Variants in CORO1A observed in about 807,000 individuals in gnomAD.
The protein encoded by CORO1A is coronin 1A.
In CORO1A, 17 loss-of-function variants were observed where a neutral mutation model predicts 44.1. The observed-to-expected ratio is 0.39, with a 90% CI of 0.26 to 0.58. The LOEUF (loss-of-function observed/expected upper bound fraction) is 0.58. Ranked by LOEUF, CORO1A falls within the 20% of genes least tolerant of loss-of-function variation. CORO1A has a pLI of 0.62. For synonymous variants in CORO1A, 271 were observed against 244.2 expected (o/e 1.11, Z -1.02); for missense variants, 415 against 606.5 (o/e 0.68, Z 3.32).
At position 30,184,739 on chromosome 16, in the gene CORO1A, C is replaced by T. The variant is rs1184962691; in HGVS notation, c.-1-470C>T. The T allele has an allele frequency of 7.8e-6, 2 of 256,680 alleles. No individual in the cohort carries two copies. Among genetic ancestry groups the T allele is most frequent in the Non-Finnish European group, 1.6e-5 (2 of 128,658 alleles). 15.9% of individuals were successfully genotyped at this position (256,680 alleles called of 1,614,324 possible). A position where few individuals can be genotyped will look rare whatever the true frequency, so the allele number is the denominator to read the frequency against. On this transcript the variant is annotated intron_variant, in intron 1 of 10. Coordinates refer to ENST00000219150, the MANE Select transcript of CORO1A (RefSeq NM_007074.4). The surrounding 1 kb of genome is among the most constrained non-coding windows in gnomAD (Gnocchi z 4.3). ...CTGTGTCCAGCCCCATGCCAGCAGG[C>T]GAGGGAGGCCAGCTCCTGTCCCTGC... is the stretch of plus-strand genomic sequence containing the variant.
rs776691038 is a variant in CORO1A at position 30,188,449 on chromosome 16, C to T, written c.1154C>T (p.Ala385Val). The change falls in exon 10 of 11, where the codon GCT becomes GTT. Residue 385 changes from alanine to valine, a missense_variant. Physicochemically the swap from Ala to Val is moderately conservative, Grantham distance 64 (BLOSUM62 0). Transcript: ENST00000219150. ...GAGGAGTGGCTGGGGGGTCGGGATG[C>T]TGGGCCCCTCCTCATCTCCCTCAAG... ...TAEEWLGGRD[A>V]GPLLISLKDG... 1.7e-5 allele frequency: 27 copies of T among 1,613,272 alleles called. No homozygotes were observed. Among genetic ancestry groups the T allele is most frequent in the Non-Finnish European group, 1.3e-5 (15 of 1,179,986 alleles).
At position 30,187,849 on chromosome 16, in the gene CORO1A, TG is replaced by T. The variant is rs762867240; in HGVS notation, c.861+25del. On this transcript the variant is annotated intron_variant, in intron 7 of 10. Transcript: ENST00000219150. ...GGCAAGGTGGCCTCGTCGGGCGGGG[TG>T]GGGGTGGGAGGTGGGCAGGATGGGC... The T allele has an allele frequency of 8.3e-5, 6 of 72,504 alleles. No individual in the cohort carries two copies. Among genetic ancestry groups the T allele is most frequent in the South Asian group, 5.4e-4 (4 of 7,388 alleles). 4.5% of individuals were successfully genotyped at this position (72,504 alleles called of 1,614,324 possible).
intron 2 of CORO1A, chr16:30,185,934 C>G (rs555987447): frequency 9.1e-4 from 184 of 202,654 alleles, no homozygotes; most frequent in African/African-American, 4.1e-3. Flanking sequence ...CTCCTGTGCT[C>G]TTTGGGGGGT....
At chr16:30,187,548 G>A in intron 6 of CORO1A, 47 bp downstream of exon 6, 1 of 1,580,694 alleles carries the variant, frequency 6.3e-7, no homozygotes, top group Non-Finnish European at 8.5e-7. Context: ...TGGGAACCAA[G>A]ACTGGAGGTT....
Position 30,185,405 on chromosome 16 carries a change from A to G in CORO1A, c.196A>G (p.Lys66Glu). The G allele has an allele frequency of 6.2e-7, 1 of 1,613,134 alleles. No individual in the cohort carries two copies. The highest frequency in any genetic ancestry group is 8.5e-7 in the Non-Finnish European group (1 of 1,179,898). ...GGAFLVLPLG[K>E]TGRVDKNAPT... ...GGCCTTCCTGGTGCTGCCCCTGGGCAAGGTGAGCCCCTGGGGCCCTGGGGG... is the reference window on the plus strand; with the variant it reads ...GGCCTTCCTGGTGCTGCCCCTGGGCGAGGTGAGCCCCTGGGGCCCTGGGGG... The change falls in exon 2 of 11, where the codon AAG (lysine) becomes GAG (glutamate). Residue 66 changes from lysine to glutamate, a missense_variant and splice_region_variant. Lys to Glu is a moderately conservative substitution (Grantham distance 56). Around this residue, in one of 2 missense-constraint regions of CORO1A, gnomAD observed 325 missense variants for 521.7 expected, o/e 0.62. Transcript: ENST00000219150.
chr16:30,188,914 G>A lies in CORO1A; in HGVS notation c.1336G>A (p.Glu446Lys). 1 of 321,958 alleles carries A rather than the reference G, an allele frequency of 3.1e-6. No individual in the cohort carries two copies. The highest frequency in any genetic ancestry group is 5.3e-6 in the Non-Finnish European group (1 of 187,782). 19.9% of individuals were successfully genotyped at this position (321,958 alleles called of 1,614,324 possible). ...GCGGAAGCTCCAGGCCACGGTGCAG[G>A]AGCTCCAGAAGCGCTTGGACAGGCT... ...EMRKLQATVQELQKRLDRLEE... is the reference protein window; with the variant it reads ...EMRKLQATVQKLQKRLDRLEE... The change falls in exon 11 of 11, where the codon GAG (glutamate) becomes AAG (lysine). Residue 446 changes from glutamate to lysine, a missense_variant. This residue lies in a region of CORO1A where 90 missense variants were observed against 84.7 expected (regional missense o/e 1.06). Coordinates refer to ENST00000219150, the MANE Select transcript of CORO1A (RefSeq NM_007074.4).
In CORO1A at chr16:30,185,251, G is replaced by A. The variant is rs754614186; in HGVS notation, c.42G>A (p.Val14=). The A allele has an allele frequency of 1.2e-6, 2 of 1,614,182 alleles. No homozygotes were observed. The highest frequency in any genetic ancestry group is 1.7e-5 in the Admixed American group (1 of 60,036). Residue 14 remains valine (V), a synonymous_variant, in exon 2 of 11, where the codon GTG becomes GTA. Transcript: ENST00000219150. ...TCCGCTCCAGCAAGTTCCGCCACGT[G>A]TTTGGACAGCCGGCCAAGGCCGACC... The part of the protein sequence containing the change: ...QVVRSSKFRH[V]FGQPAKADQC...
intron 2 of CORO1A, 86 bp from the exon 3 acceptor site, chr16:30,186,512 T>A: frequency 6.8e-7 from 1 of 1,480,382 alleles, no homozygotes; most frequent in Non-Finnish European, 9.4e-7. Context: ...ACAGCTTTCC[T>A]CTCTGGGCCT....
rs1375696589 is a variant in CORO1A, at chr16:30,187,441, G to A, written c.696G>A (p.Gly232=). 1 of 1,610,552 alleles carries A rather than the reference G, an allele frequency of 6.2e-7. No homozygotes were observed. Among genetic ancestry groups the A allele is most frequent in the Non-Finnish European group, 8.5e-7 (1 of 1,180,018 alleles). The change falls in exon 6 of 11, where the codon GGG becomes GGA. Residue 232 remains glycine (G), a synonymous_variant. Transcript: ENST00000219150. ...RPVRAVFVSE[G]KILTTGFSRM... is the part of the protein sequence containing the mutation. ...TGCGTGCAGTGTTCGTGTCGGAGGG[G>A]AAGATCCTGACCACGGGCTTCAGCC...
At chr16:30,185,439 C>T (rs769934078) in intron 2 of CORO1A, 32 bp downstream of exon 2, 5 of 1,591,142 alleles carry the variant, frequency 3.1e-6, no homozygotes, top group Non-Finnish European at 4.3e-6. Flanking sequence ...GGGAGCAGCT[C>T]CTCCACCGGA....
In CORO1A at chr16:30,184,122, C is replaced by T. The variant is rs1440758421; in HGVS notation, c.-2+397C>T. ...GCAAAACAAGAAAAGACCAAGTTCC[C>T]CTTTCCGTGGTTTCCGGGCCTGGTA... On this transcript the variant is annotated intron_variant, in intron 1 of 10. Coordinates refer to ENST00000219150, the MANE Select transcript of CORO1A (RefSeq NM_007074.4). The surrounding 1 kb of genome is among the most constrained non-coding windows in gnomAD (Gnocchi z 4.3). The T allele has an allele frequency of 6.6e-6, 1 of 152,322 alleles. No individual in the cohort carries two copies. The highest frequency in any genetic ancestry group is 2.4e-5 in the African/African-American group (1 of 41,400). 9.4% of individuals were successfully genotyped at this position (152,322 alleles called of 1,614,324 possible).
In CORO1A at chr16:30,186,582, C is replaced by A; in HGVS notation, c.199-16C>A. 1 of 1,611,978 alleles carries A rather than the reference C, an allele frequency of 6.2e-7. No homozygotes were observed. Among genetic ancestry groups the A allele is most frequent in the Non-Finnish European group, 8.5e-7 (1 of 1,179,932 alleles). On this transcript the variant is annotated splice_polypyrimidine_tract_variant and intron_variant, in intron 2 of 10. Coordinates refer to ENST00000219150, the MANE Select transcript of CORO1A (RefSeq NM_007074.4). ...TGGGAGGCAAAAGCACCTCCAAGGC[C>A]CTGCTGTGCCTTTAGACTGGACGTG... is the stretch of plus-strand genomic sequence containing the variant.
At chr16:30,188,278 C>G (rs368169424) in intron 9 of CORO1A, 29 bp downstream of exon 9, 1 of 1,613,260 alleles carries the variant, frequency 6.2e-7, no homozygotes, top group African/African-American at 1.3e-5. Flanking sequence ...ACCCTGGGCT[C>G]CAGGCTGGGC....
At position 30,183,836 on chromosome 16, in the gene CORO1A, G is replaced by A. The variant is rs1031386197; in HGVS notation, c.-2+111G>A. On this transcript the variant is annotated intron_variant, in intron 1 of 10. Transcript: ENST00000219150. This position sits in a 1 kb window ranked among gnomAD's most constrained non-coding sequence, Gnocchi z 5.0. ...GGCGCGCGGCTGTCACCGCGACCCA[G>A]CCAGCGCCGGGGCCAGGTAGCGGGC... The A allele has an allele frequency of 6.6e-6, 1 of 151,658 alleles. No individual in the cohort carries two copies. The highest frequency in any genetic ancestry group is 2.4e-5 in the African/African-American group (1 of 41,482). 9.4% of individuals were successfully genotyped at this position (151,658 alleles called of 1,614,324 possible).
chr16:30,185,158 A>G (rs2073318815), intron 1 of CORO1A, 51 bp from the exon 2 acceptor site: 7 of 1,581,880 alleles, frequency 4.4e-6, no homozygotes, highest in Non-Finnish European at 6.1e-6. Context: ...GACCACTGGA[A>G]GATCAGAGTT....
Position 30,184,620 on chromosome 16 carries a change from G to T in CORO1A, c.-1-589G>T, listed in dbSNP as rs2073312172. 5.5e-6 allele frequency: 1 copy of T among 181,926 alleles called. No individual in the cohort carries two copies. Among genetic ancestry groups the T allele is most frequent in the Non-Finnish European group, 1.2e-5 (1 of 85,062 alleles). The allele number at this position is 181,926 out of a possible 1,614,324, so 11.3% of individuals were successfully genotyped here. On this transcript the variant is annotated intron_variant, in intron 1 of 10. Coordinates refer to ENST00000219150, the MANE Select transcript of CORO1A (RefSeq NM_007074.4). The surrounding 1 kb of genome is among the most constrained non-coding windows in gnomAD (Gnocchi z 4.3). Reference sequence around the variant, plus strand: ...AGCGGAGGCGAGAGGCAGAGGTATGGGGAGGAGGAGATACCTGGACCTGAG... The same window carrying T: ...AGCGGAGGCGAGAGGCAGAGGTATGTGGAGGAGGAGATACCTGGACCTGAG...
intron 2 of CORO1A, chr16:30,185,718 T>C: frequency 2.2e-6 from 1 of 446,472 alleles, no homozygotes. Flanking sequence ...ACAGAGGGGG[T>C]TGGGATGGGG....
At chr16:30,185,149 A>C in intron 1 of CORO1A, 60 bp from the exon 2 acceptor site, 2 of 1,546,456 alleles carry the variant, frequency 1.3e-6, no homozygotes, top group South Asian at 2.2e-5. Context: ...GGAGGTGGGG[A>C]CCACTGGAAG....
intron 2 of CORO1A, 109 bp downstream of exon 2, chr16:30,185,516 C>T: frequency 1.1e-6 from 1 of 950,138 alleles, no homozygotes; most frequent in Non-Finnish European, 1.6e-6. Context: ...GTGTTGCCAT[C>T]TGGAAAACTG....
Sources: allele counts gnomAD v4.1 joint callset, GRCh38; gene constraint gnomAD v4.1.1; regional missense constraint gnomAD v4.1.1; non-coding constraint Gnocchi (gnomAD v3.1); transcripts MANE v1.5; gene names NCBI Gene and HGNC (gene_info 2026-07-23, HGNC 2026-07-21).